The following MEIKIN variants were observed in gnomAD, a reference collection of about 807,000 sequenced individuals.
MEIKIN encodes the protein meiosis-specific kinetochore protein.
intron 8 of MEIKIN, among the ~76,000 whole-genome samples, chr5:131,888,393 A>G (rs999883078): frequency 6.6e-6 from 1 of 151,410 alleles, no homozygotes; most frequent in Non-Finnish European, 1.5e-5. Context: ...CTTTTTAATG[A>G]TCGCCATTCT....
At chr5:131,879,269 TA>T (rs1284377074) in intron 8 of MEIKIN, among the ~76,000 whole-genome samples, 2 of 152,178 alleles carry the variant, frequency 1.3e-5, no homozygotes, top group Non-Finnish European at 2.9e-5. Flanking sequence ...CAGAAGCAAA[TA>T]AAAAATATGT....
chr5:131,866,317 G>A (rs1250820347), intron 9 of MEIKIN, among the ~76,000 whole-genome samples: 1 of 152,208 alleles, frequency 6.6e-6, no homozygotes, highest in Non-Finnish European at 1.5e-5. Flanking sequence ...ACCGGGCTGG[G>A]TGATCTTCAG....
intron 8 of MEIKIN, among the ~76,000 whole-genome samples, chr5:131,881,227 G>T (rs1490190294): frequency 1.3e-5 from 2 of 152,230 alleles, no homozygotes; most frequent in Admixed American, 1.3e-4. Context: ...TGTAGGACCA[G>T]GTTAGGTCTT....
chr5:131,835,731 C>A (rs546339896), intron 11 of MEIKIN, among the ~76,000 whole-genome samples: 26 of 152,214 alleles, frequency 1.7e-4, no homozygotes, highest in African/African-American at 6.3e-4. Flanking sequence ...GTAGCTGGGA[C>A]TACAGGTGCC....
intron 9 of MEIKIN, among the ~76,000 whole-genome samples, chr5:131,877,730 A>G (rs748998844): frequency 3.3e-5 from 5 of 152,170 alleles, no homozygotes; most frequent in Non-Finnish European, 7.3e-5. Context: ...ATTCAAAGGA[A>G]AGTTGGAAAA....
intron 5 of MEIKIN, among the ~76,000 whole-genome samples, chr5:131,926,039 A>T (rs558104630): frequency 2.1e-4 from 32 of 152,050 alleles, no homozygotes; most frequent in Non-Finnish European, 4.0e-4. Context: ...ACTTCTTTTC[A>T]ATTTAGACGC....
At chr5:131,942,488 A>C (rs1211862201) in intron 4 of MEIKIN, 147 bp downstream of exon 4, 1 of 385,452 alleles carries the variant, frequency 2.6e-6, no homozygotes, top group Admixed American at 4.5e-5. Flanking sequence ...TAAGGATGAG[A>C]TCTATAGCAC....
At position 131,860,204 on chromosome 5, in the gene MEIKIN, T is replaced by G. The variant is rs145311452; in HGVS notation, c.775-5370A>C. Among the ~76,000 whole-genome samples the G allele has an allele frequency of 2.3e-3, 356 of 152,254 alleles. 2 individuals are homozygous for G. Among genetic ancestry groups the G allele is most frequent in the Middle Eastern group, 6.8e-3 (2 of 294 alleles). ...CCATGAGCATGAGATGTCTTGTTTC[T>G]TCTTCAATTTCTTTCATCAGTGTTT... On this transcript the variant is annotated intron_variant, in intron 9 of 12. Coordinates refer to ENST00000442687, the MANE Select transcript of MEIKIN (RefSeq NM_001303622.2).
intron 6 of MEIKIN, among the ~76,000 whole-genome samples, chr5:131,919,309 A>G (rs1751467278): frequency 6.6e-6 from 1 of 152,184 alleles, no homozygotes; most frequent in Non-Finnish European, 1.5e-5. Context: ...CTTCTGGAGG[A>G]AAATTTGGCA....
intron 5 of MEIKIN, among the ~76,000 whole-genome samples, chr5:131,924,924 T>A (rs959718046): frequency 6.6e-6 from 1 of 152,184 alleles, no homozygotes; most frequent in Admixed American, 6.5e-5. Context: ...TTTTCCCCTA[T>A]GTTTTCTTCT....
intron 5 of MEIKIN, among the ~76,000 whole-genome samples, chr5:131,929,924 G>T (rs1296234502): frequency 6.6e-6 from 1 of 152,146 alleles, no homozygotes; most frequent in Admixed American, 6.5e-5. Context: ...TCTTTATCCA[G>T]TCTACCACTG....
intron 9 of MEIKIN, among the ~76,000 whole-genome samples, chr5:131,870,528 T>C (rs1039343516): frequency 2.6e-5 from 4 of 152,146 alleles, no homozygotes; most frequent in Non-Finnish European, 5.9e-5. Flanking sequence ...TATAATACAG[T>C]ACATCTGTTC....
intron 4 of MEIKIN, among the ~76,000 whole-genome samples, chr5:131,940,645 G>A (rs1030963171): frequency 1.3e-5 from 2 of 152,048 alleles, no homozygotes; most frequent in Non-Finnish European, 2.9e-5. Context: ...TTCTGAAATA[G>A]TGGCTTGCTT....
At chr5:131,883,052 A>G (rs1052751984) in intron 8 of MEIKIN, among the ~76,000 whole-genome samples, 1 of 152,154 alleles carries the variant, frequency 6.6e-6, no homozygotes, top group Non-Finnish European at 1.5e-5. Flanking sequence ...TCTGTTTATT[A>G]TCTTTTTTTC....
intron 11 of MEIKIN, among the ~76,000 whole-genome samples, chr5:131,829,242 T>C (rs766970887): frequency 1.3e-5 from 2 of 152,172 alleles, no homozygotes; most frequent in Non-Finnish European, 2.9e-5. Context: ...CCAACTTAAA[T>C]AATCAATCAA....
intron 11 of MEIKIN, among the ~76,000 whole-genome samples, 172 bp downstream of exon 11, chr5:131,851,092 C>A (rs1240095667): frequency 6.6e-6 from 1 of 152,126 alleles, no homozygotes; most frequent in African/African-American, 2.4e-5. Context: ...CAATTTTGTG[C>A]ATCAAAGACC....
rs554838931 is a variant in MEIKIN at position 131,872,609 on chromosome 5, C to A, written c.774+6369G>T. Among the ~76,000 whole-genome samples, 19 of 152,280 alleles carry A rather than the reference C, an allele frequency of 1.2e-4. 1 individual carries two copies. The highest frequency in any genetic ancestry group is 1.0e-3 in the South Asian group (5 of 4,824). On this transcript the variant is annotated intron_variant, in intron 9 of 12. Coordinates refer to ENST00000442687, the MANE Select transcript of MEIKIN (RefSeq NM_001303622.2). ...ATCCAGGAGAACTTCCCCAATCTAG[C>A]AAGGCAGGCCAACATTCACATTCAG...
intron 8 of MEIKIN, among the ~76,000 whole-genome samples, chr5:131,908,640 CTTTG>C (rs1303593085): frequency 1.2e-4 from 18 of 152,162 alleles, no homozygotes; most frequent in Admixed American, 1.2e-3. Flanking sequence ...GTCAAATTAT[CTTTG>C]TTTGCAGATG....
intron 11 of MEIKIN, among the ~76,000 whole-genome samples, chr5:131,845,816 C>CAT (rs1292938608): frequency 6.6e-6 from 1 of 151,926 alleles, no homozygotes; most frequent in Non-Finnish European, 1.5e-5. Flanking sequence ...AGCAAACCTA[C>CAT]ATATATATTG....
Sources: allele counts gnomAD v4.1 joint callset (sites outside exome capture counted in the v4.1 genomes callset), GRCh38; gene constraint gnomAD v4.1.1; transcripts MANE v1.5; gene names NCBI Gene and HGNC (gene_info 2026-07-23, HGNC 2026-07-21).